Variants in DMD observed in about 807,000 individuals in gnomAD.
DMD encodes mutant dystrophin.
Under a neutral mutation model 330.1 loss-of-function variants are expected in DMD, and 63 were observed. That is an observed-to-expected ratio of 0.19 (90% CI 0.16 to 0.24). The LOEUF is 0.24. Among genes scored for constraint, DMD ranks in the 10% least tolerant of loss-of-function variants. The pLI, the probability that DMD is intolerant of heterozygous loss-of-function variation, is 1.00. For synonymous variants in DMD, 1,223 were observed against 959.8 expected, an observed-to-expected ratio of 1.27 and a Z score of -5.07; for missense variants, 3,344 against 2,684.1, an observed-to-expected ratio of 1.25 and a Z score of -5.43.
At chrX:32,593,673 A>G (rs1197013149) in intron 13 of DMD, among the ~76,000 whole-genome samples, 2 of 112,198 alleles carry the variant, frequency 1.8e-5, no homozygotes, top group Non-Finnish European at 3.8e-5. Context: ...GGACATAGTA[A>G]GAACATAACG....
At chrX:31,471,782 C>T (rs181638678) in intron 59 of DMD, among the ~76,000 whole-genome samples, 1 of 111,762 alleles carries the variant, frequency 8.9e-6, no homozygotes, top group Admixed American at 9.5e-5. Flanking sequence ...GTTTAGAAAC[C>T]CAGTAACATC....
intron 25 of DMD, among the ~76,000 whole-genome samples, chrX:32,462,071 T>C (rs1311867215): frequency 1.8e-5 from 2 of 111,248 alleles, no homozygotes; most frequent in African/African-American, 6.5e-5. Context: ...CTCTAACACG[T>C]AAATTGAAAC....
chrX:32,088,419 A>G (rs909087072), intron 44 of DMD, among the ~76,000 whole-genome samples: 1 of 109,367 alleles, frequency 9.1e-6, no homozygotes, highest in African/African-American at 3.3e-5. Context: ...TGAAGCTCTC[A>G]ACCAGGAACT....
At chrX:32,974,398 T>G (rs1027618448) in intron 2 of DMD, among the ~76,000 whole-genome samples, 1 of 111,251 alleles carries the variant, frequency 9.0e-6, no homozygotes, top group Admixed American at 9.6e-5. Flanking sequence ...GTGAACATAC[T>G]GAAAAAACAC....
chrX:32,474,208 T>TACATAC (rs778108572), intron 21 of DMD, among the ~76,000 whole-genome samples: 9 of 41,283 alleles, frequency 2.2e-4, no homozygotes, highest in African/African-American at 4.0e-4. Flanking sequence ...CATACATACA[T>TACATAC]ACACACACAC....
In DMD at chrX:31,134,176, C is replaced by T. The variant is rs759642119; in HGVS notation, c.10940G>A (p.Ser3647Asn). 1.1e-5 allele frequency: 13 copies of T among 1,207,366 alleles called. No homozygotes were observed. The highest frequency in any genetic ancestry group is 2.2e-5 in the Admixed American group (1 of 45,623). ...SDSMGEEDLL[S>N]PPQDTSTGLE... ...CCCTGTGCTTGTGTCCTGGGGAGGA[C>T]TGAGAAGATCTTCCTCACCTTAATA... is the stretch of plus-strand genomic sequence containing the variant. Residue 3647 changes from serine (S) to asparagine (N), a missense_variant, in exon 77 of 79, where the codon AGT becomes AAT. Transcript: ENST00000357033.
chrX:31,176,168 T>C (rs1240418933), intron 71 of DMD, among the ~76,000 whole-genome samples: 1 of 111,550 alleles, frequency 9.0e-6, no homozygotes, highest in Non-Finnish European at 1.9e-5. Flanking sequence ...TTAAATACAA[T>C]TACTGCTATT....
intron 67 of DMD, among the ~76,000 whole-genome samples, chrX:31,183,861 CTT>C (rs368852473): frequency 6.2e-5 from 6 of 96,396 alleles, no homozygotes; most frequent in South Asian, 4.6e-4. Flanking sequence ...AAAATACCTC[CTT>C]TTTTTAAAAA....
At chrX:31,266,159 CAAAAAAAA>C (rs1174153877) in intron 62 of DMD, among the ~76,000 whole-genome samples, 14 of 13,331 alleles carry the variant, frequency 1.1e-3, no homozygotes, top group Non-Finnish European at 1.3e-3. Flanking sequence ...TCCCGAAGGG[CAAAAAAAA>C]AAAAAAAAAA....
intron 44 of DMD, among the ~76,000 whole-genome samples, chrX:32,041,531 G>T (rs1447794579): frequency 2.7e-5 from 3 of 111,895 alleles, no homozygotes; most frequent in African/African-American, 9.8e-5. Context: ...TAGTACTGTT[G>T]CTTTTATTCT....
At chrX:32,569,376 G>C (rs1032336068) in intron 15 of DMD, among the ~76,000 whole-genome samples, 2 of 111,856 alleles carry the variant, frequency 1.8e-5, no homozygotes, top group Non-Finnish European at 3.8e-5. Flanking sequence ...TGTAAGATGT[G>C]CTCCAATTCA....
At chrX:32,678,091 G>C (rs971997054) in intron 9 of DMD, among the ~76,000 whole-genome samples, 1 of 111,805 alleles carries the variant, frequency 8.9e-6, no homozygotes, top group Non-Finnish European at 1.9e-5. Context: ...GTGGCTTTTA[G>C]AGGCTGAAAG....
At chrX:31,961,739 G>GGTTTTTTTTTTT (rs2095305420) in intron 45 of DMD, among the ~76,000 whole-genome samples, 1 of 73,361 alleles carries the variant, frequency 1.4e-5, no homozygotes, top group African/African-American at 8.5e-5. Context: ...CAAAGGAAGC[G>GGTTTTTTTTTTT]GTTTTTTTTT....
chrX:32,416,591 A>G (rs972541242), intron 29 of DMD, among the ~76,000 whole-genome samples: 1 of 112,026 alleles, frequency 8.9e-6, no homozygotes, highest in African/African-American at 3.2e-5. Context: ...GCAACGACAA[A>G]GTCTTGAAGT....
intron 51 of DMD, among the ~76,000 whole-genome samples, chrX:31,756,866 A>G (rs1403604103): frequency 8.9e-6 from 1 of 111,999 alleles, no homozygotes; most frequent in Non-Finnish European, 1.9e-5. Flanking sequence ...TCCATTTTTC[A>G]AAATCTGCTC....
rs546242069 is a variant in DMD, at chrX:32,200,147, A to G, written c.6438+16769T>C. ...TTTTGAATTGGGATGAGAGAATGGA[A>G]AGAAAAAAGGTTGGGAGAGGAGCGG... On this transcript the variant is annotated intron_variant, in intron 44 of 78. Transcript: ENST00000357033. Among the ~76,000 whole-genome samples, 3 of 111,276 alleles carry G rather than the reference A, an allele frequency of 2.7e-5. No homozygotes were observed. In the South Asian group the frequency reaches 1.1e-3, roughly 42 times the overall value.
chrX:32,830,074 G>C (rs765976277), intron 4 of DMD, among the ~76,000 whole-genome samples: 1 of 111,579 alleles, frequency 9.0e-6, no homozygotes, highest in Non-Finnish European at 1.9e-5. Context: ...GAGGAGGGAG[G>C]TATTTGTCAT....
At chrX:32,436,741 C>T (rs780238532) in intron 29 of DMD, among the ~76,000 whole-genome samples, 29 of 110,336 alleles carry the variant, frequency 2.6e-4, no homozygotes, top group East Asian at 8.7e-4. Flanking sequence ...AGCTTGAGCC[C>T]GGGAGTTCAA....
chrX:32,606,656 C>T (rs1377724430), intron 12 of DMD, among the ~76,000 whole-genome samples: 1 of 107,977 alleles, frequency 9.3e-6, no homozygotes, highest in Non-Finnish European at 1.9e-5. Context: ...TCAACCTAAG[C>T]GTCCATCAGT....
Sources: allele counts gnomAD v4.1 joint callset (sites outside exome capture counted in the v4.1 genomes callset), GRCh38; gene constraint gnomAD v4.1.1; transcripts MANE v1.5; gene names NCBI Gene and HGNC (gene_info 2026-07-23, HGNC 2026-07-21).